GSR: variants seen among roughly 807,000 people sequenced by gnomAD.
The protein encoded by GSR is glutathione-disulfide reductase.
Under a neutral mutation model 56.5 loss-of-function variants are expected in GSR, and 48 were observed. That is an observed-to-expected ratio of 0.85 (90% CI 0.67 to 1.08). The LOEUF is 1.08. Ranked by LOEUF, GSR falls within the 50% of genes least tolerant of loss-of-function variation. The pLI is 0.00. For synonymous variants in GSR, 264 were observed against 270.8 expected, an observed-to-expected ratio of 0.97 and a Z score of 0.25; for missense variants, 694 against 703.3, an observed-to-expected ratio of 0.99 and a Z score of 0.15.
chr8:30,700,830 C>T (rs1348220608), intron 5 of GSR, among the ~76,000 whole-genome samples: 1 of 148,280 alleles, frequency 6.7e-6, no homozygotes, highest in East Asian at 2.0e-4. Flanking sequence ...ACAAGAGGTA[C>T]AACCTATATA....
intron 5 of GSR, among the ~76,000 whole-genome samples, chr8:30,702,032 T>G (rs1019291050): frequency 2.0e-5 from 3 of 151,454 alleles, no homozygotes; most frequent in Non-Finnish European, 2.9e-5. Flanking sequence ...CAAGACCCTG[T>G]CTCAAAAAAA....
intron 1 of GSR, among the ~76,000 whole-genome samples, chr8:30,718,326 C>T (rs1406576027): frequency 2.0e-5 from 3 of 152,082 alleles, no homozygotes; most frequent in African/African-American, 7.2e-5. Context: ...GAGTTTGACT[C>T]TCAGCTCTCC....
chr8:30,683,115 C>T (rs767996680), intron 10 of GSR, among the ~76,000 whole-genome samples: 22 of 152,040 alleles, frequency 1.4e-4, no homozygotes, highest in Non-Finnish European at 2.1e-4. Flanking sequence ...CGTGAGCCAC[C>T]GTGCCCAGCT....
intron 1 of GSR, among the ~76,000 whole-genome samples, chr8:30,719,935 G>T (rs1804472083): frequency 1.3e-5 from 2 of 152,146 alleles, no homozygotes; most frequent in South Asian, 4.1e-4. Context: ...CTTGCGGCTG[G>T]GTGTGGTGGC....
intron 8 of GSR, among the ~76,000 whole-genome samples, 196 bp from the exon 9 acceptor site, chr8:30,689,515 G>T (rs1008962049): frequency 6.6e-6 from 1 of 152,026 alleles, no homozygotes; most frequent in Non-Finnish European, 1.5e-5. Flanking sequence ...CCTGTTCCCT[G>T]GGTTGACCCA....
At chr8:30,724,544 C>CTTT (rs56145808) in intron 1 of GSR, among the ~76,000 whole-genome samples, 57,441 of 84,780 alleles carry the variant, frequency 0.68, 21,819 homozygotes, top group East Asian at 0.77. Flanking sequence ...AACCCCCCAC[C>CTTT]TTTTTTTTTT....
rs781165687 is a variant in GSR, at chr8:30,681,051, T to A, written c.1286-14A>T. 66 of 1,600,026 alleles carry A rather than the reference T, an allele frequency of 4.1e-5. No individual in the cohort carries two copies. Among genetic ancestry groups the A allele is most frequent in the Admixed American group, 3.2e-4 (19 of 59,920 alleles). On this transcript the variant is annotated splice_polypyrimidine_tract_variant and intron_variant, in intron 11 of 12. Coordinates refer to ENST00000221130, the MANE Select transcript of GSR (RefSeq NM_000637.5). The stretch of plus-strand genomic sequence containing the variant: ...GAATGGCTTCATCTACAATGCACAT[T>A]AAAAAAAGCATCTATCAGAAAACTA...
chr8:30,698,786 T>G (rs866452342), intron 6 of GSR, among the ~76,000 whole-genome samples: 47 of 152,272 alleles, frequency 3.1e-4, no homozygotes, highest in Middle Eastern at 3.4e-3. Flanking sequence ...GCAGAAGAGT[T>G]GAGCAATGCA....
chr8:30,682,121 G>T, intron 10 of GSR, 60 bp from the exon 11 acceptor site: 2 of 1,373,306 alleles, frequency 1.5e-6, no homozygotes, highest in Admixed American at 1.7e-5. Flanking sequence ...TAGCTAAATT[G>T]TTCCACTAGC....
chr8:30,724,193 G>A (rs1804648975), intron 1 of GSR, among the ~76,000 whole-genome samples: 2 of 152,130 alleles, frequency 1.3e-5, no homozygotes, highest in Non-Finnish European at 2.9e-5. Context: ...GCAATGTAGT[G>A]AGACCCTATC....
At chr8:30,685,079 C>T (rs1803115413) in intron 9 of GSR, among the ~76,000 whole-genome samples, 1 of 151,946 alleles carries the variant, frequency 6.6e-6, no homozygotes, top group Admixed American at 6.6e-5. Context: ...CCTGCCTCAG[C>T]CTCCCGAGTA....
At chr8:30,705,571 G>A (rs1216815494) in intron 4 of GSR, among the ~76,000 whole-genome samples, 2 of 151,772 alleles carry the variant, frequency 1.3e-5, no homozygotes, top group African/African-American at 2.4e-5. Context: ...CTCTACAAAC[G>A]TTTTTTAAAA....
intron 12 of GSR, among the ~76,000 whole-genome samples, chr8:30,680,646 C>T (rs758039829): frequency 2.0e-5 from 3 of 151,942 alleles, no homozygotes; most frequent in South Asian, 2.1e-4. Flanking sequence ...ATGCCTGCCT[C>T]GGCCTCCCAG....
At chr8:30,680,649 C>A (rs541180077) in intron 12 of GSR, among the ~76,000 whole-genome samples, 1 of 152,224 alleles carries the variant, frequency 6.6e-6, no homozygotes, top group Non-Finnish European at 1.5e-5. Flanking sequence ...CCTGCCTCGG[C>A]CTCCCAGCGT....
chr8:30,702,928 T>C (rs943911959), intron 5 of GSR, among the ~76,000 whole-genome samples, 165 bp downstream of exon 5: 1 of 152,152 alleles, frequency 6.6e-6, no homozygotes, highest in Admixed American at 6.6e-5. Context: ...ACTGCATCAC[T>C]AGCTACCACT....
intron 1 of GSR, among the ~76,000 whole-genome samples, chr8:30,716,492 G>A (rs1199607556): frequency 1.3e-5 from 2 of 152,170 alleles, no homozygotes; most frequent in African/African-American, 2.4e-5. Flanking sequence ...TGACTTCAGC[G>A]CCTCTGACTT....
chr8:30,686,573 AC>A (rs1317745881), intron 9 of GSR, among the ~76,000 whole-genome samples: 1 of 151,950 alleles, frequency 6.6e-6, no homozygotes, highest in African/African-American at 2.4e-5. Context: ...TGTAGTTCCT[AC>A]TACTTGGGAG....
chr8:30,718,837 T>C (rs1451396956), intron 1 of GSR, among the ~76,000 whole-genome samples: 1 of 152,128 alleles, frequency 6.6e-6, no homozygotes, highest in Non-Finnish European at 1.5e-5. Flanking sequence ...CTGCAACTTC[T>C]GCCTCCCAGG....
chr8:30,709,208 T>TA (rs1563540048), intron 3 of GSR, among the ~76,000 whole-genome samples: 2 of 147,482 alleles, frequency 1.4e-5, no homozygotes, highest in South Asian at 2.2e-4. Context: ...AAACAAAAAT[T>TA]AAAAAAAATA....
Sources: allele counts gnomAD v4.1 joint callset (sites outside exome capture counted in the v4.1 genomes callset), GRCh38; gene constraint gnomAD v4.1.1; transcripts MANE v1.5; gene names NCBI Gene and HGNC (gene_info 2026-07-23, HGNC 2026-07-21).